INHBB: variants seen among roughly 807,000 people sequenced by gnomAD.
INHBB encodes inhibin subunit beta B, also known as inhibin beta B chain.
Under a neutral mutation model 28.9 loss-of-function variants are expected in INHBB, and 8 were observed. That is an observed-to-expected ratio of 0.28 (90% CI 0.16 to 0.50). The LOEUF (loss-of-function observed/expected upper bound fraction) is 0.50, where lower values mean the gene tolerates loss of function less well. Among genes scored for constraint, INHBB ranks in the 20% least tolerant of loss-of-function variants. The probability of loss-of-function intolerance (pLI) is 0.98; values close to 1 mark genes in which losing one functional copy is unlikely to be tolerated. For missense variants in INHBB, 499 were observed against 597.8 expected (o/e 0.83, Z 1.72); for synonymous variants, 293 against 262.7 (o/e 1.12, Z -1.12).
In INHBB at chr2:120,349,149, G is replaced by A. The variant is rs759567914; in HGVS notation, c.499G>A (p.Gly167Ser). 1 of 1,613,420 alleles carries A rather than the reference G, an allele frequency of 6.2e-7. No individual in the cohort carries two copies. Among genetic ancestry groups the A allele is most frequent in the East Asian group, 2.2e-5 (1 of 44,848 alleles). Reference sequence around the variant, plus strand: ...CCTATACTTCTTCATCTCCAACGAAGGCAACCAGAACCTGTTTGTGGTCCA... The same window carrying A: ...CCTATACTTCTTCATCTCCAACGAAAGCAACCAGAACCTGTTTGTGGTCCA... Reference protein sequence around the residue: ...VRLYFFISNEGNQNLFVVQAS... With the variant: ...VRLYFFISNESNQNLFVVQAS... Residue 167 changes from glycine to serine, a missense_variant, in exon 2 of 2, where the codon GGC (glycine) becomes AGC (serine). Coordinates refer to ENST00000295228, the MANE Select transcript of INHBB (RefSeq NM_002193.4). The surrounding 1 kb of genome is among the most constrained non-coding windows in gnomAD (Gnocchi z 5.6).
intron 1 of INHBB, among the ~76,000 whole-genome samples, chr2:120,347,286 G>C (rs1691174067): frequency 6.6e-6 from 1 of 152,168 alleles, no homozygotes. Context: ...AGAAAGCCGC[G>C]GTTCGGGGAC....
chr2:120,349,324 G>T lies in INHBB; in HGVS notation c.674G>T (p.Gly225Val). The stretch of plus-strand genomic sequence containing the variant: ...AAGAGGGTGGACCTCAAGCGCAGCG[G>T]CTGGCATACCTTCCCACTCACGGAG... Reference protein sequence around the residue: ...VEKRVDLKRSGWHTFPLTEAI... With the variant: ...VEKRVDLKRSVWHTFPLTEAI... The change falls in exon 2 of 2, where the codon GGC becomes GTC. Residue 225 changes from glycine to valine, a missense_variant. Coordinates refer to ENST00000295228, the MANE Select transcript of INHBB (RefSeq NM_002193.4). This position sits in a 1 kb window ranked among gnomAD's most constrained non-coding sequence, Gnocchi z 5.6. 1.2e-6 allele frequency: 2 copies of T among 1,614,134 alleles called. No homozygotes were observed. Among genetic ancestry groups the T allele is most frequent in the Non-Finnish European group, 1.7e-6 (2 of 1,180,002 alleles).
chr2:120,349,039 T>A lies in INHBB; in HGVS notation c.449-60T>A, dbSNP rs149813898. 6.4e-5 allele frequency: 97 copies of A among 1,524,372 alleles called. No homozygotes were observed. The African/African-American group carries it at 9.9e-4, about 16-fold the overall frequency. The allele number at this position is 1,524,372 out of a possible 1,614,324, so 94.4% of individuals were successfully genotyped here. A position where few individuals can be genotyped will look rare whatever the true frequency, so the allele number is the denominator to read the frequency against. On this transcript the variant is annotated intron_variant, in intron 1 of 1. Coordinates refer to ENST00000295228, the MANE Select transcript of INHBB (RefSeq NM_002193.4). The surrounding 1 kb of genome is among the most constrained non-coding windows in gnomAD (Gnocchi z 5.6). ...AGCATCCTGCAGCAGAGAGTGTGTT[T>A]CCCCCATTGCCTTGTGTTCTCCTTG... is the stretch of plus-strand genomic sequence containing the variant.
In INHBB at chr2:120,351,542, C is replaced by T. The variant is rs1205657642; in HGVS notation, c.*1668C>T. ...TCTGAGCAGTCCCTTGAGTGGCCTG[C>T]CAACGTTTCAGGGTATGAATGGATT... On this transcript the variant is annotated 3_prime_UTR_variant, in exon 2 of 2. Transcript: ENST00000295228. 6.6e-6 allele frequency: 1 copy of T among 152,162 alleles called. No homozygotes were observed. Among genetic ancestry groups the T allele is most frequent in the Non-Finnish European group, 1.5e-5 (1 of 68,036 alleles). 9.4% of individuals were successfully genotyped at this position (152,162 alleles called of 1,614,324 possible). A position where few individuals can be genotyped will look rare whatever the true frequency, so the allele number is the denominator to read the frequency against.
At chr2:120,346,710 T>TGCCACCGCC (rs1691162578) in intron 1 of INHBB, 74 bp downstream of exon 1, 13 of 1,324,190 alleles carry the variant, frequency 9.8e-6, no homozygotes, top group Non-Finnish European at 1.2e-5. Flanking sequence ...TAGCTCCGGC[T>TGCCACCGCC]GCCACCGCCG....
chr2:120,349,802 C>T lies in INHBB; in HGVS notation c.1152C>T (p.Tyr384=), dbSNP rs775138848. ...PTKLSTMSML[Y]FDDEYNIVKR... is the part of the protein sequence containing the mutation. ...AGCTGAGCACCATGTCCATGCTGTA[C>T]TTCGATGATGAGTACAACATCGTCA... The change falls in exon 2 of 2, where the codon TAC becomes TAT. Residue 384 remains tyrosine (Y), a synonymous_variant. Transcript: ENST00000295228. This position sits in a 1 kb window ranked among gnomAD's most constrained non-coding sequence, Gnocchi z 5.6. 3 of 1,613,166 alleles carry T rather than the reference C, an allele frequency of 1.9e-6. No homozygotes were observed. The African/African-American group carries it at 4.0e-5, about 22-fold the overall frequency.
Position 120,349,682 on chromosome 2 carries a change from C to T in INHBB, c.1032C>T (p.Pro344=), listed in dbSNP as rs759427903. 9.3e-6 allele frequency: 15 copies of T among 1,613,724 alleles called. No homozygotes were observed. Among genetic ancestry groups the T allele is most frequent in the Admixed American group, 3.3e-5 (2 of 60,010 alleles). Residue 344 remains proline (P), a synonymous_variant, in exon 2 of 2, where the codon CCC becomes CCT. Coordinates refer to ENST00000295228, the MANE Select transcript of INHBB (RefSeq NM_002193.4). The surrounding 1 kb of genome is among the most constrained non-coding windows in gnomAD (Gnocchi z 5.6). ...GCCCAGCCTACCTGGCAGGGGTCCCCGGCTCTGCCTCCTCCTTCCACACGG... is the reference window on the plus strand; with the variant it reads ...GCCCAGCCTACCTGGCAGGGGTCCCTGGCTCTGCCTCCTCCTTCCACACGG... ...GSCPAYLAGV[P]GSASSFHTAV...
chr2:120,347,959 C>T (rs1033214311), intron 1 of INHBB, among the ~76,000 whole-genome samples: 4 of 152,092 alleles, frequency 2.6e-5, no homozygotes, highest in African/African-American at 4.8e-5. Flanking sequence ...CTTTTGGTCC[C>T]GGTGGCACAA....
rs1691222847 is a variant in INHBB at position 120,349,542 on chromosome 2, G to C, written c.892G>C (p.Gly298Arg). The C allele has an allele frequency of 6.2e-7, 1 of 1,613,886 alleles. No individual in the cohort carries two copies. The highest frequency in any genetic ancestry group is 1.1e-5 in the South Asian group (1 of 91,096). ...TCGCAAGCGAGGCCTGGAGTGCGAT[G>C]GCCGGACCAACCTCTGTTGCAGGCA... is the stretch of plus-strand genomic sequence containing the variant. Reference protein sequence around the residue: ...RIRKRGLECDGRTNLCCRQQF... With the variant: ...RIRKRGLECDRRTNLCCRQQF... The change falls in exon 2 of 2, where the codon GGC (glycine) becomes CGC (arginine). Residue 298 changes from glycine to arginine, a missense_variant. By Grantham distance (125) the Gly-to-Arg change is moderately radical. Around this residue, in one of 2 missense-constraint regions of INHBB, gnomAD observed 114 missense variants for 182.6 expected, o/e 0.62. Coordinates refer to ENST00000295228, the MANE Select transcript of INHBB (RefSeq NM_002193.4). This position sits in a 1 kb window ranked among gnomAD's most constrained non-coding sequence, Gnocchi z 5.6.
At chr2:120,348,537 G>C (rs1198273266) in intron 1 of INHBB, among the ~76,000 whole-genome samples, 1 of 151,742 alleles carries the variant, frequency 6.6e-6, no homozygotes, top group African/African-American at 2.4e-5. Context: ...AGAAACCTGA[G>C]CAGAGCCTGC....
At position 120,349,625 on chromosome 2, in the gene INHBB, C is replaced by G; in HGVS notation, c.975C>G (p.Thr325=). ...GGAACGACTGGATCATAGCACCCAC[C>G]GGCTACTACGGGAACTACTGTGAGG... ...IGWNDWIIAP[T]GYYGNYCEGS... Residue 325 remains threonine (T), a synonymous_variant, in exon 2 of 2, where the codon ACC becomes ACG. Coordinates refer to ENST00000295228, the MANE Select transcript of INHBB (RefSeq NM_002193.4). The surrounding 1 kb of genome is among the most constrained non-coding windows in gnomAD (Gnocchi z 5.6). 6.2e-7 allele frequency: 1 copy of G among 1,613,810 alleles called. No homozygotes were observed. The highest frequency in any genetic ancestry group is 8.5e-7 in the Non-Finnish European group (1 of 1,180,030).
At chr2:120,347,342 G>T (rs914692736) in intron 1 of INHBB, among the ~76,000 whole-genome samples, 1 of 151,258 alleles carries the variant, frequency 6.6e-6, no homozygotes, top group South Asian at 2.1e-4. Context: ...CAGACCCCTC[G>T]CCCGAGAGGC....
chr2:120,349,427 C>G lies in INHBB; in HGVS notation c.777C>G (p.Ala259=). The G allele has an allele frequency of 1.2e-6, 2 of 1,613,688 alleles. No homozygotes were observed. The highest frequency in any genetic ancestry group is 1.7e-6 in the Non-Finnish European group (2 of 1,180,028). Residue 259 remains alanine (A), a synonymous_variant, in exon 2 of 2, where the codon GCC becomes GCG. Transcript: ENST00000295228. The surrounding 1 kb of genome is among the most constrained non-coding windows in gnomAD (Gnocchi z 5.6). The part of the protein sequence containing the change: ...DVQCDSCQEL[A]VVPVFVDPGE... ...AGTGTGACAGCTGCCAGGAGCTGGC[C>G]GTGGTGCCGGTGTTCGTGGACCCAG... is the stretch of plus-strand genomic sequence containing the variant.
At position 120,346,372 on chromosome 2, in the gene INHBB, C is replaced by T. The variant is rs754649687; in HGVS notation, c.184C>T (p.Arg62Trp). 18 of 1,496,594 alleles carry T rather than the reference C, an allele frequency of 1.2e-5. No individual in the cohort carries two copies. In the African/African-American group the frequency reaches 2.0e-4, roughly 17 times the overall value. The allele number at this position is 1,496,594 out of a possible 1,614,324, so 92.7% of individuals were successfully genotyped here. The change falls in exon 1 of 2, where the codon CGG becomes TGG. Residue 62 changes from arginine to tryptophan, a missense_variant. This residue lies in a region of INHBB where 385 missense variants were observed against 415.2 expected (regional missense o/e 0.93). Transcript: ENST00000295228. ...CACCTGTACGTCGTGCGGCGGCTTC[C>T]GGCGGCCAGAGGAGCTCGGCCGAGT... is the stretch of plus-strand genomic sequence containing the variant. The part of the protein sequence containing the change: ...QDTCTSCGGF[R>W]RPEELGRVDG...
At chr2:120,347,636 C>G (rs1383710804) in intron 1 of INHBB, among the ~76,000 whole-genome samples, 1 of 152,130 alleles carries the variant, frequency 6.6e-6, no homozygotes, top group African/African-American at 2.4e-5. Flanking sequence ...GGGGGAAGCC[C>G]CGGTGCAGTT....
At position 120,349,042 on chromosome 2, in the gene INHBB, C is replaced by A; in HGVS notation, c.449-57C>A. ...ATCCTGCAGCAGAGAGTGTGTTTCC[C>A]CCATTGCCTTGTGTTCTCCTTGAAT... On this transcript the variant is annotated intron_variant, in intron 1 of 1. Coordinates refer to ENST00000295228, the MANE Select transcript of INHBB (RefSeq NM_002193.4). The surrounding 1 kb of genome is among the most constrained non-coding windows in gnomAD (Gnocchi z 5.6). 1 of 1,530,564 alleles carries A rather than the reference C, an allele frequency of 6.5e-7. No individual in the cohort carries two copies. Among genetic ancestry groups the A allele is most frequent in the Admixed American group, 2.0e-5 (1 of 50,980 alleles). The allele number at this position is 1,530,564 out of a possible 1,614,324, so 94.8% of individuals were successfully genotyped here.
rs749128493 is a variant in INHBB, at chr2:120,346,389, C to T, written c.201C>T (p.Leu67=). The T allele has an allele frequency of 3.9e-6, 6 of 1,530,272 alleles. No homozygotes were observed. The highest frequency in any genetic ancestry group is 5.2e-6 in the Non-Finnish European group (6 of 1,145,294). 94.8% of individuals were successfully genotyped at this position (1,530,272 alleles called of 1,614,324 possible). The change falls in exon 1 of 2, where the codon CTC becomes CTT. Residue 67 remains leucine (L), a synonymous_variant. Coordinates refer to ENST00000295228, the MANE Select transcript of INHBB (RefSeq NM_002193.4). ...GCGGCTTCCGGCGGCCAGAGGAGCT[C>T]GGCCGAGTGGACGGCGACTTCCTGG... ...SCGGFRRPEE[L]GRVDGDFLEA... is the part of the protein sequence containing the mutation.
Position 120,346,443 on chromosome 2 carries a change from C to T in INHBB, c.255C>T (p.Arg85=). 1 of 1,555,252 alleles carries T rather than the reference C, an allele frequency of 6.4e-7. No individual in the cohort carries two copies. Among genetic ancestry groups the T allele is most frequent in the Non-Finnish European group, 8.6e-7 (1 of 1,158,450 alleles). ...CGGTGAAGCGGCACATCTTGAGCCG[C>T]CTGCAGATGCGGGGCCGGCCCAACA... ...LEAVKRHILS[R]LQMRGRPNIT... is the part of the protein sequence containing the mutation. Residue 85 remains arginine, a synonymous_variant, in exon 1 of 2, where the codon CGC becomes CGT. Transcript: ENST00000295228.
chr2:120,346,988 T>C (rs1030085508), intron 1 of INHBB, among the ~76,000 whole-genome samples: 1 of 152,044 alleles, frequency 6.6e-6, no homozygotes, highest in African/African-American at 2.4e-5. Context: ...CTTAATGTTT[T>C]TGTTTCCCAC....
Sources: gnomAD v4.1 joint callset for allele counts (sites outside exome capture counted in the v4.1 genomes callset) on GRCh38, gnomAD v4.1.1 for gene constraint, gnomAD v4.1.1 regional missense constraint, Gnocchi (gnomAD v3.1) non-coding constraint, MANE v1.5 for transcripts, NCBI Gene and HGNC (gene_info 2026-07-23, HGNC 2026-07-21) for gene names.